The following ADCYAP1R1 variants were observed in gnomAD, a reference collection of about 807,000 sequenced individuals.
The protein encoded by ADCYAP1R1 is ADCYAP receptor type I, also known as pituitary adenylate cyclase-activating polypeptide type I receptor.
A neutral mutation model predicts 67.6 loss-of-function variants in ADCYAP1R1; 44 were observed. The ratio of observed to expected loss-of-function variants is 0.65; its 90% CI spans 0.51 to 0.84. The LOEUF (loss-of-function observed/expected upper bound fraction) is 0.84. Among genes scored for constraint, ADCYAP1R1 ranks in the 40% least tolerant of loss-of-function variants. The pLI, the probability that ADCYAP1R1 is intolerant of heterozygous loss-of-function variation, is 0.00. For synonymous variants in ADCYAP1R1, 222 were observed against 219.6 expected (o/e 1.01, Z -0.10); for missense variants, 477 against 587.9 (o/e 0.81, Z 1.95).
intron 3 of ADCYAP1R1, among the ~76,000 whole-genome samples, chr7:31,076,959 C>T (rs555500004): frequency 1.2e-3 from 178 of 152,272 alleles, no homozygotes; most frequent in Non-Finnish European, 2.1e-3. Flanking sequence ...TGCTGTGTCT[C>T]CCCTCCCCAC....
chr7:31,061,176 A>G (rs1231976527), intron 1 of ADCYAP1R1, among the ~76,000 whole-genome samples: 2 of 152,230 alleles, frequency 1.3e-5, no homozygotes, highest in African/African-American at 2.4e-5. Context: ...CGGAAGGTGC[A>G]GGGAATCGAC....
intron 3 of ADCYAP1R1, among the ~76,000 whole-genome samples, chr7:31,069,162 C>T (rs1466479799): frequency 6.6e-6 from 1 of 152,214 alleles, no homozygotes; most frequent in Non-Finnish European, 1.5e-5. Context: ...ACAGCATCCA[C>T]CAGGGTACTC....
chr7:31,087,003 G>A lies in ADCYAP1R1; in HGVS notation c.884G>A (p.Gly295Asp). 6.2e-7 allele frequency: 1 copy of A among 1,614,148 alleles called. No homozygotes were observed. The highest frequency in any genetic ancestry group is 8.5e-7 in the Non-Finnish European group (1 of 1,180,026). The change falls in exon 11 of 16, where the codon GGC becomes GAC. Residue 295 changes from glycine (G) to aspartate (D), a missense_variant and splice_region_variant. Gly to Asp is a moderately conservative substitution (Grantham distance 94, BLOSUM62 -1). Coordinates refer to ENST00000304166, the MANE Select transcript of ADCYAP1R1 (RefSeq NM_001118.5). ...ATLRLYFDDTGCWDMNDSTAL... is the reference protein window; with the variant it reads ...ATLRLYFDDTDCWDMNDSTAL... ...CTGAGACTCTACTTTGATGACACAG[G>A]GTTAGTACATGCGCGAGAGTCAGGG... is the stretch of plus-strand genomic sequence containing the variant.
At chr7:31,097,388 T>A (rs1338150942) in intron 13 of ADCYAP1R1, among the ~76,000 whole-genome samples, 2 of 152,240 alleles carry the variant, frequency 1.3e-5, no homozygotes, top group Non-Finnish European at 2.9e-5. Context: ...TCTGACATCT[T>A]CCTTTCTCCC....
intron 1 of ADCYAP1R1, among the ~76,000 whole-genome samples, chr7:31,054,702 C>T (rs1039600092): frequency 6.6e-6 from 1 of 152,136 alleles, no homozygotes; most frequent in Non-Finnish European, 1.5e-5. Context: ...TGGAGGACAT[C>T]TTGTGCTGTC....
At chr7:31,066,334 G>A (rs927218728) in intron 3 of ADCYAP1R1, among the ~76,000 whole-genome samples, 5 of 152,204 alleles carry the variant, frequency 3.3e-5, no homozygotes, top group African/African-American at 4.8e-5. Flanking sequence ...AATAAAGGTA[G>A]GGGCTGGGGT....
chr7:31,076,615 C>A (rs1315334700), intron 3 of ADCYAP1R1, among the ~76,000 whole-genome samples: 2 of 152,210 alleles, frequency 1.3e-5, no homozygotes, highest in Non-Finnish European at 2.9e-5. Flanking sequence ...GCAGCAATCC[C>A]GGCCTCCACC....
chr7:31,083,063 C>T (rs1459333151), intron 6 of ADCYAP1R1, among the ~76,000 whole-genome samples: 1 of 152,248 alleles, frequency 6.6e-6, no homozygotes, highest in Non-Finnish European at 1.5e-5. Context: ...GGTTTCTGTC[C>T]AGCAGTATGG....
At chr7:31,065,593 A>ACGATCCCTGGTAAGAACCAGTGGCC (rs1794702932) in intron 3 of ADCYAP1R1, among the ~76,000 whole-genome samples, 1 of 152,206 alleles carries the variant, frequency 6.6e-6, no homozygotes, top group Non-Finnish European at 1.5e-5. Flanking sequence ...AGGGAGTGGC[A>ACGATCCCTGGTAAGAACCAGTGGCC]CGATCCCTGG....
chr7:31,060,410 G>A (rs1343426178), intron 1 of ADCYAP1R1, among the ~76,000 whole-genome samples: 1 of 152,152 alleles, frequency 6.6e-6, no homozygotes, highest in Non-Finnish European at 1.5e-5. Flanking sequence ...GAATTGTCAT[G>A]TGCTTACATC....
At position 31,066,452 on chromosome 7, in the gene ADCYAP1R1, A is replaced by T. The variant is rs192457231; in HGVS notation, c.157+1516A>T. On this transcript the variant is annotated intron_variant, in intron 3 of 15. Transcript: ENST00000304166. ...CCTGTCCACAGGGATGTCGTGGCAG[A>T]GAAGGGAGATGGATGCCAGGCTGGA... Among the ~76,000 whole-genome samples, 53 of 152,256 alleles carry T rather than the reference A, an allele frequency of 3.5e-4. 1 individual carries two copies. Among genetic ancestry groups the T allele is most frequent in the Middle Eastern group, 3.4e-3 (1 of 294 alleles).
intron 5 of ADCYAP1R1, 53 bp from the exon 6 acceptor site, chr7:31,081,660 T>C: frequency 6.8e-7 from 1 of 1,467,008 alleles, no homozygotes; most frequent in Admixed American, 1.8e-5. Context: ...GAGTAAACAG[T>C]AGCTAACTGT....
intron 1 of ADCYAP1R1, among the ~76,000 whole-genome samples, chr7:31,060,199 G>A (rs752727026): frequency 5.9e-5 from 9 of 152,156 alleles, no homozygotes; most frequent in South Asian, 2.1e-4. Flanking sequence ...CAGCAGGGGC[G>A]AGGCCCCTGC....
rs771560675 is a variant in ADCYAP1R1, at chr7:31,077,941, G to T, written c.158-50G>T. ...GTGTGATGTGTGTGGTGGTGTGTGT[G>T]TATGGGTGTGTGTGGCTGGCCCCTC... On this transcript the variant is annotated intron_variant, in intron 3 of 15. Coordinates refer to ENST00000304166, the MANE Select transcript of ADCYAP1R1 (RefSeq NM_001118.5). The T allele has an allele frequency of 5.2e-5, 67 of 1,296,384 alleles. No homozygotes were observed. The South Asian group carries it at 8.1e-4, about 16-fold the overall frequency. The allele number at this position is 1,296,384 out of a possible 1,614,324, so 80.3% of individuals were successfully genotyped here.
At chr7:31,079,777 G>A (rs1795437123) in intron 4 of ADCYAP1R1, among the ~76,000 whole-genome samples, 1 of 152,198 alleles carries the variant, frequency 6.6e-6, no homozygotes, top group South Asian at 2.1e-4. Flanking sequence ...GGCCCGGGAG[G>A]AGGGTGGCAT....
intron 7 of ADCYAP1R1, among the ~76,000 whole-genome samples, chr7:31,084,536 A>G (rs1795657124): frequency 2.0e-5 from 3 of 152,202 alleles, no homozygotes; most frequent in Admixed American, 2.0e-4. Flanking sequence ...GCATCTGCAG[A>G]ATGCTGACAG....
chr7:31,103,243 G>A lies in ADCYAP1R1; in HGVS notation c.1053G>A (p.Leu351=). The change falls in exon 14 of 16, where the codon CTG becomes CTA. Residue 351 remains leucine, a synonymous_variant. Coordinates refer to ENST00000304166, the MANE Select transcript of ADCYAP1R1 (RefSeq NM_001118.5). ...TTTTGCTTTCCTCCGACAGGCGACT[G>A]GCCCGGTCCACCCTGCTGCTCATCC... ...GGNESSIYLR[L]ARSTLLLIPL... The A allele has an allele frequency of 6.2e-7, 1 of 1,613,990 alleles. No individual in the cohort carries two copies. Among genetic ancestry groups the A allele is most frequent in the African/African-American group, 1.3e-5 (1 of 75,040 alleles).
In ADCYAP1R1 at chr7:31,094,271, G is replaced by A. The variant is rs79379586; in HGVS notation, c.1046+1536G>A. 5.0e-3 allele frequency among the ~76,000 whole-genome samples: 764 copies of A among 152,194 alleles called. 5 individuals carry two copies. Among genetic ancestry groups the A allele is most frequent in the Non-Finnish European group, 8.5e-3 (575 of 68,010 alleles). On this transcript the variant is annotated intron_variant, in intron 13 of 15. Transcript: ENST00000304166. Reference sequence around the variant, plus strand: ...GAGGCCCTGCCCTGTGGGGTGGGGGGCCAGCCCTTTGCTACTACATAACCT... The same window carrying A: ...GAGGCCCTGCCCTGTGGGGTGGGGGACCAGCCCTTTGCTACTACATAACCT...
At chr7:31,075,784 C>T (rs1317399860) in intron 3 of ADCYAP1R1, among the ~76,000 whole-genome samples, 1 of 152,102 alleles carries the variant, frequency 6.6e-6, no homozygotes, top group African/African-American at 2.4e-5. Context: ...AGCTTCTGGT[C>T]ATAGCTGTGT....
Sources: allele counts gnomAD v4.1 joint callset (sites outside exome capture counted in the v4.1 genomes callset), GRCh38; gene constraint gnomAD v4.1.1; transcripts MANE v1.5; gene names NCBI Gene and HGNC (gene_info 2026-07-23, HGNC 2026-07-21).